ADGRL2: variants seen among roughly 807,000 people sequenced by gnomAD.
ADGRL2 encodes calcium-independent alpha-latrotoxin receptor 2.
In ADGRL2, 44 loss-of-function variants were observed where a neutral mutation model predicts 157.4. The observed-to-expected ratio is 0.28, with a 90% CI of 0.22 to 0.36. The LOEUF (loss-of-function observed/expected upper bound fraction) is 0.36, where lower values mean the gene tolerates loss of function less well. Among genes scored for constraint, ADGRL2 ranks in the 10% least tolerant of loss-of-function variants. The pLI, the probability that ADGRL2 is intolerant of heterozygous loss-of-function variation, is 1.00. For synonymous variants in ADGRL2, 585 were observed against 624.7 expected, an observed-to-expected ratio of 0.94 and a Z score of 0.95; for missense variants, 1,510 against 1,768.9, an observed-to-expected ratio of 0.85 and a Z score of 2.63.
intron 2 of ADGRL2, among the ~76,000 whole-genome samples, chr1:81,780,338 G>T (rs1219246231): frequency 6.6e-6 from 1 of 152,094 alleles, no homozygotes; most frequent in Non-Finnish European, 1.5e-5. Flanking sequence ...GAAAGCTTTG[G>T]GATGGAAGGT....
chr1:81,327,611 A>G (rs1242789499), intron 1 of ADGRL2, among the ~76,000 whole-genome samples: 2 of 152,188 alleles, frequency 1.3e-5, no homozygotes, highest in African/African-American at 4.8e-5. Context: ...TCCCTAAAAT[A>G]AACTTTAATA....
At chr1:81,454,182 T>A (rs976727197) in intron 2 of ADGRL2, among the ~76,000 whole-genome samples, 2 of 152,192 alleles carry the variant, frequency 1.3e-5, no homozygotes, top group Non-Finnish European at 2.9e-5. Flanking sequence ...TTTTTTTTCT[T>A]TTTCTTCTTC....
intron 19 of ADGRL2, 55 bp downstream of exon 19, chr1:81,982,031 T>A (rs970240099): frequency 6.1e-6 from 8 of 1,311,474 alleles, no homozygotes; most frequent in Non-Finnish European, 7.4e-6. Context: ...GATTTGAATA[T>A]AATAGATATA....
At chr1:81,383,963 A>G (rs796491592) in intron 1 of ADGRL2, among the ~76,000 whole-genome samples, 19 of 150,224 alleles carry the variant, frequency 1.3e-4, no homozygotes, top group African/African-American at 4.4e-4. Flanking sequence ...CAAAAAAAAA[A>G]AAAAGAAAAG....
intron 19 of ADGRL2, among the ~76,000 whole-genome samples, chr1:81,983,679 A>G (rs1030785065): frequency 1.3e-5 from 2 of 151,982 alleles, no homozygotes; most frequent in African/African-American, 4.8e-5. Flanking sequence ...CCACAAGAAA[A>G]CATGTATATG....
intron 1 of ADGRL2, among the ~76,000 whole-genome samples, chr1:81,709,208 T>G (rs1437831372): frequency 6.6e-6 from 1 of 152,180 alleles, no homozygotes; most frequent in Non-Finnish European, 1.5e-5. Context: ...ATTGTGGTAT[T>G]TGCCATTAAA....
intron 1 of ADGRL2, chr1:81,426,972 T>A (rs1185761253): frequency 1.2e-6 from 1 of 815,568 alleles, no homozygotes; most frequent in African/African-American, 1.7e-5. Flanking sequence ...TTTGCAACTT[T>A]TGATGATCAC....
chr1:81,416,791 C>A (rs2101496484), intron 1 of ADGRL2, among the ~76,000 whole-genome samples: 1 of 152,202 alleles, frequency 6.6e-6, no homozygotes, highest in African/African-American at 2.4e-5. Flanking sequence ...GTCAGTGGTG[C>A]CAAGTAGTCA....
chr1:81,502,166 C>T (rs888761885), intron 2 of ADGRL2: 108 of 1,590,540 alleles, frequency 6.8e-5, no homozygotes, highest in Non-Finnish European at 8.9e-5. Context: ...GAAAGTAGCT[C>T]GCCAAGATCC....
At chr1:81,307,421 T>C (rs1315229981) in intron 1 of ADGRL2, among the ~76,000 whole-genome samples, 4 of 152,176 alleles carry the variant, frequency 2.6e-5, no homozygotes, top group Non-Finnish European at 5.9e-5. Context: ...TACTGAAATG[T>C]CATAACATTA....
intron 4 of ADGRL2, among the ~76,000 whole-genome samples, chr1:81,941,161 C>G (rs1024073751): frequency 1.6e-5 from 2 of 124,034 alleles, no homozygotes; most frequent in Admixed American, 1.6e-4. Flanking sequence ...CTTGCTTTTC[C>G]CTTGTATGTA....
chr1:81,972,794 C>G (rs1161933840), intron 17 of ADGRL2, among the ~76,000 whole-genome samples: 1 of 151,782 alleles, frequency 6.6e-6, no homozygotes, highest in East Asian at 1.9e-4. Context: ...TTCCTGTAGT[C>G]CCAGATACTC....
intron 2 of ADGRL2, among the ~76,000 whole-genome samples, chr1:81,569,423 C>A (rs1237699456): frequency 6.6e-6 from 1 of 152,136 alleles, no homozygotes; most frequent in Non-Finnish European, 1.5e-5. Context: ...AAACAGTAAA[C>A]TTTTATTACC....
At chr1:81,890,124 G>A (rs1465163340) in intron 2 of ADGRL2, among the ~76,000 whole-genome samples, 1 of 152,114 alleles carries the variant, frequency 6.6e-6, no homozygotes, top group Non-Finnish European at 1.5e-5. Context: ...TCCTGATATA[G>A]TTTATGCTGT....
intron 1 of ADGRL2, among the ~76,000 whole-genome samples, chr1:81,438,241 C>A (rs78648162): frequency 6.6e-6 from 1 of 152,200 alleles, no homozygotes; most frequent in Admixed American, 6.5e-5. Context: ...CCAGCTTATA[C>A]CTGCTCAGGA....
intron 2 of ADGRL2, among the ~76,000 whole-genome samples, chr1:81,782,002 T>C (rs2086833302): frequency 2.6e-5 from 4 of 152,170 alleles, no homozygotes; most frequent in Admixed American, 2.0e-4. Context: ...CCCTAAATAG[T>C]GTCTCTGCTT....
At chr1:81,547,975 C>T (rs2080058695) in intron 2 of ADGRL2, among the ~76,000 whole-genome samples, 1 of 152,164 alleles carries the variant, frequency 6.6e-6, no homozygotes, top group South Asian at 2.1e-4. Flanking sequence ...CTTACAACAA[C>T]CCTGTTATGA....
At chr1:81,307,955 T>C (rs1442412129) in intron 1 of ADGRL2, among the ~76,000 whole-genome samples, 1 of 152,196 alleles carries the variant, frequency 6.6e-6, no homozygotes, top group Non-Finnish European at 1.5e-5. Context: ...GGGCAATCTT[T>C]CTGTCTCTGG....
In ADGRL2 at chr1:81,926,813, T is replaced by C. The variant is rs562982227; in HGVS notation, c.288-9915T>C. ...GCTAATAAAAGCAAGCACATTTATG[T>C]TGAATGTGCATTTCTGCAAACAACA... On this transcript the variant is annotated intron_variant, in intron 3 of 23. Coordinates refer to ENST00000686636, the MANE Select transcript of ADGRL2 (RefSeq NM_001366006.2). 4.6e-5 allele frequency among the ~76,000 whole-genome samples: 7 copies of C among 152,168 alleles called. No individual in the cohort carries two copies. In the South Asian group the frequency reaches 1.0e-3, roughly 23 times the overall value.
Sources: allele counts gnomAD v4.1 joint callset (sites outside exome capture counted in the v4.1 genomes callset), GRCh38; gene constraint gnomAD v4.1.1; transcripts MANE v1.5; gene names NCBI Gene and HGNC (gene_info 2026-07-23, HGNC 2026-07-21).